ZNF253: variants seen among roughly 807,000 people sequenced by gnomAD.
ZNF253 encodes the protein DNA-binding protein.
ZNF253 carries 8 observed loss-of-function variants against 11.9 expected under a neutral mutation model. The observed-to-expected ratio is 0.67, with a 90% CI of 0.40 to 1.22. The LOEUF is 1.22. Among genes scored for constraint, ZNF253 ranks in the 50% most tolerant of loss-of-function variants. The probability of loss-of-function intolerance (pLI) is 0.01; values close to 1 mark genes in which losing one functional copy is unlikely to be tolerated. For synonymous variants in ZNF253, 194 were observed against 194.9 expected, an observed-to-expected ratio of 1.00 and a Z score of 0.04; for missense variants, 485 against 586.9, an observed-to-expected ratio of 0.83 and a Z score of 1.79.
intron 3 of ZNF253, among the ~76,000 whole-genome samples, chr19:19,888,638 G>T (rs1203832206): frequency 1.3e-5 from 2 of 151,810 alleles, no homozygotes; most frequent in African/African-American, 4.8e-5. Context: ...TATTGATTTT[G>T]CTAATTCTAC....
intron 1 of ZNF253, among the ~76,000 whole-genome samples, chr19:19,869,942 A>G (rs865817132): frequency 2.8e-4 from 43 of 151,944 alleles, no homozygotes; most frequent in Middle Eastern, 3.2e-3. Context: ...AAGTGCTGGT[A>G]TTACCGGTGT....
At chr19:19,887,188 A>G (rs1324680182) in intron 3 of ZNF253, among the ~76,000 whole-genome samples, 1 of 150,052 alleles carries the variant, frequency 6.7e-6, no homozygotes, top group East Asian at 2.0e-4. Context: ...TTCATTTTTT[A>G]TTTTCAGCCT....
Position 19,892,526 on chromosome 19 carries a change from G to A in ZNF253, c.1279G>A (p.Glu427Lys). ...THTGEKPYKC[E>K]ECGKSFTASS... ...TACTGGAGAGAAACCCTACAAATGT[G>A]AAGAATGTGGCAAATCCTTTACTGC... The change falls in exon 4 of 4, where the codon GAA becomes AAA. Residue 427 changes from glutamate (E) to lysine (K), a missense_variant. Physicochemically the swap from Glu to Lys is moderately conservative, Grantham distance 56. Coordinates refer to ENST00000589717, the MANE Select transcript of ZNF253 (RefSeq NM_021047.3). The A allele has an allele frequency of 1.2e-6, 2 of 1,613,720 alleles. No homozygotes were observed. Among genetic ancestry groups the A allele is most frequent in the Non-Finnish European group, 1.7e-6 (2 of 1,179,922 alleles).
In ZNF253 at chr19:19,894,040, A is replaced by G. The variant is rs2063244584; in HGVS notation, c.*1293A>G. 6.6e-6 allele frequency: 1 copy of G among 152,278 alleles called. No homozygotes were observed. Among genetic ancestry groups the G allele is most frequent in the African/African-American group, 2.4e-5 (1 of 41,482 alleles). The allele number at this position is 152,278 out of a possible 1,614,324, so 9.4% of individuals were successfully genotyped here. On this transcript the variant is annotated 3_prime_UTR_variant, in exon 4 of 4. Coordinates refer to ENST00000589717, the MANE Select transcript of ZNF253 (RefSeq NM_021047.3). ...TGCAGTAAATATCAAAAAATATTTA[A>G]TTCAAAATTGATTCTATGTAAATAT...
chr19:19,872,794 A>G (rs2063140327), intron 1 of ZNF253, among the ~76,000 whole-genome samples: 1 of 151,566 alleles, frequency 6.6e-6, no homozygotes, highest in Non-Finnish European at 1.5e-5. Context: ...ACTTATATTC[A>G]TGTTGTGTCA....
chr19:19,882,711 G>A (rs775971014), intron 3 of ZNF253, among the ~76,000 whole-genome samples: 2 of 152,170 alleles, frequency 1.3e-5, no homozygotes, highest in Non-Finnish European at 2.9e-5. Context: ...GGTGGCTCAC[G>A]CCTGTAATCC....
chr19:19,888,715 GA>G (rs5827459), intron 3 of ZNF253, among the ~76,000 whole-genome samples: 11,598 of 151,928 alleles, frequency 0.076, 927 homozygotes, highest in African/African-American at 0.2. Flanking sequence ...GCATTTTAGA[GA>G]ATAACTAAAA....
chr19:19,870,055 T>C (rs1172122025), intron 1 of ZNF253, among the ~76,000 whole-genome samples: 2 of 152,100 alleles, frequency 1.3e-5, no homozygotes, highest in African/African-American at 4.8e-5. Context: ...ATTTATACTT[T>C]TGAAATATAA....
chr19:19,885,342 CTTTCTTTCTTTCTTCCTTTCT>C lies in ZNF253; in HGVS notation c.226+5208_226+5228del, dbSNP rs1568499256. 6.6e-3 allele frequency among the ~76,000 whole-genome samples: 425 copies of C among 64,462 alleles called. 60 individuals carry two copies. The African/African-American group carries it at 0.073, about 11-fold the overall frequency. 42.3% of individuals were successfully genotyped at this position (64,462 alleles called of 152,430 possible). On this transcript the variant is annotated intron_variant, in intron 3 of 3. Coordinates refer to ENST00000589717, the MANE Select transcript of ZNF253 (RefSeq NM_021047.3). ...TCTTTCTTTCTTTCTTTCTTTCTTT[CTTTCTTTCTTTCTTCCTTTCT>C]TTTCTTTCTTTTCTTTCTTTTCTTT...
chr19:19,878,200 A>G (rs567707425), intron 1 of ZNF253, among the ~76,000 whole-genome samples: 3 of 152,362 alleles, frequency 2.0e-5, no homozygotes, highest in African/African-American at 7.2e-5. Flanking sequence ...TGATGCAAAT[A>G]TAGCACTAAA....
Position 19,893,681 on chromosome 19 carries a change from A to G in ZNF253, c.*934A>G, listed in dbSNP as rs2063243444. ...CTACTCACATCTTACTGAACAGAAG[A>G]AGGTTCATAGTTAATAAAGCATTAA... On this transcript the variant is annotated 3_prime_UTR_variant, in exon 4 of 4. Coordinates refer to ENST00000589717, the MANE Select transcript of ZNF253 (RefSeq NM_021047.3). The G allele has an allele frequency of 6.6e-6, 1 of 152,242 alleles. No homozygotes were observed. The highest frequency in any genetic ancestry group is 2.1e-4 in the South Asian group (1 of 4,834). The allele number at this position is 152,242 out of a possible 1,614,324, so 9.4% of individuals were successfully genotyped here. A position where few individuals can be genotyped will look rare whatever the true frequency, so the allele number is the denominator to read the frequency against.
At position 19,865,899 on chromosome 19, in the gene ZNF253, T is replaced by A; in HGVS notation, c.-98T>A. Reference sequence around the variant, plus strand: ...AGCTCCAGGTTTATCCTCAGTGTTCTGTGTCCTGTGCTTATAGAGGCCCGT... The same window carrying A: ...AGCTCCAGGTTTATCCTCAGTGTTCAGTGTCCTGTGCTTATAGAGGCCCGT... On this transcript the variant is annotated 5_prime_UTR_variant, in exon 1 of 4. Transcript: ENST00000589717. The A allele has an allele frequency of 6.8e-7, 1 of 1,468,870 alleles. No homozygotes were observed. The highest frequency in any genetic ancestry group is 9.5e-7 in the Non-Finnish European group (1 of 1,047,624). 91.0% of individuals were successfully genotyped at this position (1,468,870 alleles called of 1,614,324 possible).
intron 1 of ZNF253, among the ~76,000 whole-genome samples, chr19:19,874,739 G>A (rs1285931846): frequency 6.6e-6 from 1 of 151,852 alleles, no homozygotes. Context: ...GTGAAACCCC[G>A]TCTCTACTAA....
rs1198294952 is a variant in ZNF253 at position 19,893,437 on chromosome 19, A to G, written c.*690A>G. ...CATTTCCTATACATAAAAATAAATT[A>G]TACTAGTGTAATACCCTAGAAATGT... On this transcript the variant is annotated 3_prime_UTR_variant, in exon 4 of 4. Transcript: ENST00000589717. 6.6e-6 allele frequency: 1 copy of G among 152,312 alleles called. No homozygotes were observed. The highest frequency in any genetic ancestry group is 6.5e-5 in the Admixed American group (1 of 15,286). The allele number at this position is 152,312 out of a possible 1,614,324, so 9.4% of individuals were successfully genotyped here. A position where few individuals can be genotyped will look rare whatever the true frequency, so the allele number is the denominator to read the frequency against.
In ZNF253 at chr19:19,877,020, A is replaced by T. The variant is rs189174146; in HGVS notation, c.4-1461A>T. 9.8e-3 allele frequency among the ~76,000 whole-genome samples: 1,486 copies of T among 152,236 alleles called. 12 individuals carry two copies. The highest frequency in any genetic ancestry group is 0.028 in the South Asian group (135 of 4,812). ...CTTCGTGGCTGTTGAACATGGAAAG[A>T]CGTGGATACTCAAGATTTCTATTGG... On this transcript the variant is annotated intron_variant, in intron 1 of 3. Transcript: ENST00000589717.
Position 19,891,412 on chromosome 19 carries a change from T to C in ZNF253, c.227-62T>C, listed in dbSNP as rs1299915589. 22 of 1,346,076 alleles carry C rather than the reference T, an allele frequency of 1.6e-5. No individual in the cohort carries two copies. The Admixed American group carries it at 5.1e-4, about 31-fold the overall frequency. The allele number at this position is 1,346,076 out of a possible 1,614,324, so 83.4% of individuals were successfully genotyped here. A position where few individuals can be genotyped will look rare whatever the true frequency, so the allele number is the denominator to read the frequency against. ...GTTTGTATAATTTTATAGGTTAGAT[T>C]TGTAATGTATATTTATCTGAGTCTA... On this transcript the variant is annotated intron_variant, in intron 3 of 3. Coordinates refer to ENST00000589717, the MANE Select transcript of ZNF253 (RefSeq NM_021047.3).
chr19:19,865,909 G>T lies in ZNF253; in HGVS notation c.-88G>T, dbSNP rs914880423. The T allele has an allele frequency of 6.5e-6, 10 of 1,527,690 alleles. No homozygotes were observed. The East Asian group carries it at 6.7e-5, about 10-fold the overall frequency. The allele number at this position is 1,527,690 out of a possible 1,614,324, so 94.6% of individuals were successfully genotyped here. On this transcript the variant is annotated 5_prime_UTR_variant, in exon 1 of 4. Transcript: ENST00000589717. ...TTATCCTCAGTGTTCTGTGTCCTGT[G>T]CTTATAGAGGCCCGTCCTCTGTGGC...
At chr19:19,884,378 TA>T (rs1201558946) in intron 3 of ZNF253, among the ~76,000 whole-genome samples, 2 of 123,470 alleles carry the variant, frequency 1.6e-5, no homozygotes, top group Admixed American at 1.6e-4. Context: ...TTTTTATTTT[TA>T]TTTTTTTTTT....
In ZNF253 at chr19:19,882,567, C is replaced by T. The variant is rs77921499; in HGVS notation, c.226+2421C>T. ...ACAGATGTGAGTCACGGTGTCCGGC[C>T]TTAGTGTAGGTTTCTTAACATCAGT... On this transcript the variant is annotated intron_variant, in intron 3 of 3. Coordinates refer to ENST00000589717, the MANE Select transcript of ZNF253 (RefSeq NM_021047.3). Among the ~76,000 whole-genome samples the T allele has an allele frequency of 2.0e-3, 301 of 152,182 alleles. 1 individual carries two copies. The highest frequency in any genetic ancestry group is 7.0e-3 in the African/African-American group (292 of 41,510).
Sources: gnomAD v4.1 joint callset for allele counts (sites outside exome capture counted in the v4.1 genomes callset) on GRCh38, gnomAD v4.1.1 for gene constraint, MANE v1.5 for transcripts, NCBI Gene and HGNC (gene_info 2026-07-23, HGNC 2026-07-21) for gene names.